Variants in UBE3D observed in about 807,000 individuals in gnomAD.
UBE3D encodes E3 ubiquitin-protein ligase E3D.
In UBE3D, 48 loss-of-function variants were observed where a neutral mutation model predicts 49.6. The observed-to-expected ratio is 0.97, with a 90% CI of 0.77 to 1.23. The LOEUF is 1.23. Ranked by LOEUF, UBE3D falls within the 50% of genes most tolerant of loss-of-function variation. The pLI, the probability that UBE3D is intolerant of heterozygous loss-of-function variation, is 0.00. For synonymous variants in UBE3D, 189 were observed against 174.2 expected (o/e 1.08, Z -0.67); for missense variants, 452 against 468.4 (o/e 0.96, Z 0.32).
chr6:82,964,618 C>T (rs544896062), intron 8 of UBE3D, among the ~76,000 whole-genome samples: 5 of 152,244 alleles, frequency 3.3e-5, no homozygotes, highest in South Asian at 4.1e-4. Flanking sequence ...TTCAAAGCTA[C>T]GCCAATGATA....
Position 82,943,923 on chromosome 6 carries a change from C to T in UBE3D, c.1149+13389G>A, listed in dbSNP as rs1041738925. On this transcript the variant is annotated intron_variant, in intron 9 of 9. Coordinates refer to ENST00000369747, the MANE Select transcript of UBE3D (RefSeq NM_198920.3). ...AGCCGATGCCCACACAAGCAGGGAG[C>T]ATGCAGATCAACCCTAGCCAGAAGG... Among the ~76,000 whole-genome samples, 5 of 152,238 alleles carry T rather than the reference C, an allele frequency of 3.3e-5. No homozygotes were observed. The South Asian group carries it at 6.2e-4, about 19-fold the overall frequency.
chr6:83,012,168 T>C, intron 8 of UBE3D, among the ~76,000 whole-genome samples: 1 of 152,186 alleles, frequency 6.6e-6, no homozygotes, highest in Non-Finnish European at 1.5e-5. Flanking sequence ...ACCATGATGG[T>C]GGATAAGGCA....
At chr6:82,967,834 T>C (rs293485) in intron 8 of UBE3D, among the ~76,000 whole-genome samples, 128,027 of 151,922 alleles carry the variant, frequency 0.84, 54,294 homozygotes, top group East Asian at 0.94. Context: ...ATTTAAGAGA[T>C]GGATCACTAT....
chr6:82,888,065 A>T (rs1292071619), downstream of UBE3D, among the ~76,000 whole-genome samples: 4 of 152,024 alleles, frequency 2.6e-5, no homozygotes, highest in East Asian at 7.8e-4. Flanking sequence ...AAGAGAGAAG[A>T]TTCCACCTTT....
intron 8 of UBE3D, among the ~76,000 whole-genome samples, chr6:82,986,834 A>C (rs1778550963): frequency 6.7e-6 from 1 of 148,530 alleles, no homozygotes; most frequent in African/African-American, 2.4e-5. Context: ...TTGAATTACA[A>C]AGTTTTTCAT....
intron 9 of UBE3D, among the ~76,000 whole-genome samples, chr6:82,896,636 T>A (rs1037740328): frequency 6.6e-6 from 1 of 152,256 alleles, no homozygotes; most frequent in Non-Finnish European, 1.5e-5. Flanking sequence ...CATTAATACA[T>A]TTGTGTGACA....
At chr6:82,936,918 A>G (rs1000943710) in intron 9 of UBE3D, among the ~76,000 whole-genome samples, 1 of 152,224 alleles carries the variant, frequency 6.6e-6, no homozygotes, top group Admixed American at 6.5e-5. Flanking sequence ...AGGAGGAATG[A>G]AAACACTAGG....
chr6:82,891,056 A>G (rs1770970251), downstream of UBE3D, among the ~76,000 whole-genome samples: 1 of 151,388 alleles, frequency 6.6e-6, no homozygotes, highest in Non-Finnish European at 1.5e-5. Context: ...TTCATTTGTG[A>G]AAAAAAAATA....
chr6:82,948,118 A>C (rs555990580), intron 9 of UBE3D, among the ~76,000 whole-genome samples: 34 of 152,048 alleles, frequency 2.2e-4, no homozygotes, highest in African/African-American at 7.7e-4. Flanking sequence ...AAAATTGACA[A>C]ATCTTTAGCC....
chr6:82,929,373 GA>G (rs914063535), intron 9 of UBE3D, among the ~76,000 whole-genome samples: 2 of 152,064 alleles, frequency 1.3e-5, no homozygotes, highest in Non-Finnish European at 2.9e-5. Flanking sequence ...AAGCTTTTTT[GA>G]CAATTAAGGG....
chr6:82,940,979 G>A (rs183709684), intron 9 of UBE3D, among the ~76,000 whole-genome samples: 246 of 152,292 alleles, frequency 1.6e-3, no homozygotes, highest in African/African-American at 5.7e-3. Flanking sequence ...TTGGGAGGCC[G>A]AGGCAGGTGG....
chr6:82,975,100 C>T (rs1182526610), intron 8 of UBE3D, among the ~76,000 whole-genome samples: 1 of 152,056 alleles, frequency 6.6e-6, no homozygotes, highest in African/African-American at 2.4e-5. Context: ...GATAAACACA[C>T]ATTTTTCAGT....
At chr6:82,981,894 A>G (rs1338549887) in intron 8 of UBE3D, among the ~76,000 whole-genome samples, 2 of 152,138 alleles carry the variant, frequency 1.3e-5, no homozygotes, top group East Asian at 1.9e-4. Context: ...CTGATTTCCA[A>G]TTCAAGTACA....
chr6:83,064,008 T>C (rs1189494978), intron 1 of UBE3D, among the ~76,000 whole-genome samples: 2 of 152,090 alleles, frequency 1.3e-5, no homozygotes, highest in African/African-American at 4.8e-5. Flanking sequence ...GGAGAACAGA[T>C]AAATGAATTG....
chr6:83,024,016 T>C lies in UBE3D; in HGVS notation c.690A>G (p.Thr230=). The C allele has an allele frequency of 6.5e-7, 1 of 1,532,542 alleles. No individual in the cohort carries two copies. The highest frequency in any genetic ancestry group is 8.7e-7 in the Non-Finnish European group (1 of 1,145,792). The allele number at this position is 1,532,542 out of a possible 1,614,324, so 94.9% of individuals were successfully genotyped here. The stretch of plus-strand genomic sequence containing the variant: ...TCTCAGATGACTGAATAATTATCTC[T>C]GTCATATAAAACTTGGTGGTTTCTA... The part of the protein sequence containing the change: ...VSSETTKFYM[T]EIIIQSSERS... Residue 230 remains threonine (T), a synonymous_variant, in exon 6 of 10, where the codon ACA becomes ACG. Transcript: ENST00000369747.
chr6:83,048,079 CAAA>C (rs35344320), intron 3 of UBE3D, among the ~76,000 whole-genome samples: 1 of 48,076 alleles, frequency 2.1e-5, no homozygotes, highest in East Asian at 7.2e-4. Context: ...GACTCCAGCT[CAAA>C]AAAAAAAAAA....
At chr6:82,991,846 A>T (rs1050131090) in intron 8 of UBE3D, among the ~76,000 whole-genome samples, 1 of 152,148 alleles carries the variant, frequency 6.6e-6, no homozygotes, top group African/African-American at 2.4e-5. Flanking sequence ...TTCTGTGTAT[A>T]TATAAACCTG....
chr6:82,916,612 C>T (rs181625827), intron 9 of UBE3D, among the ~76,000 whole-genome samples: 225 of 152,262 alleles, frequency 1.5e-3, no homozygotes, highest in Non-Finnish European at 2.8e-3. Flanking sequence ...GTGTTGCTGA[C>T]TGAAAGCAGA....
intron 9 of UBE3D, 92 bp downstream of exon 9, chr6:82,957,220 C>A: frequency 7.6e-7 from 1 of 1,321,040 alleles, no homozygotes; most frequent in South Asian, 1.4e-5. Context: ...TAGGGAATTC[C>A]ACGGGCTATC....
Sources: gnomAD v4.1 joint callset for allele counts (sites outside exome capture counted in the v4.1 genomes callset) on GRCh38, gnomAD v4.1.1 for gene constraint, MANE v1.5 for transcripts, NCBI Gene and HGNC (gene_info 2026-07-23, HGNC 2026-07-21) for gene names.